PRKCQ: variants seen among roughly 807,000 people sequenced by gnomAD.
PRKCQ encodes protein kinase C theta, also known as protein kinase C theta type.
In PRKCQ, 41 loss-of-function variants were observed where a neutral mutation model predicts 91.2. The ratio of observed to expected loss-of-function variants is 0.45; its 90% CI spans 0.35 to 0.58. The LOEUF is 0.58. Among genes scored for constraint, PRKCQ ranks in the 20% least tolerant of loss-of-function variants. PRKCQ has a pLI of 0.00. For synonymous variants in PRKCQ, 307 were observed against 316.9 expected (o/e 0.97, Z 0.33); for missense variants, 673 against 896.5 (o/e 0.75, Z 3.18).
intron 8 of PRKCQ, among the ~76,000 whole-genome samples, chr10:6,486,686 C>T (rs769752710): frequency 6.6e-6 from 1 of 152,210 alleles, no homozygotes; most frequent in Non-Finnish European, 1.5e-5. Context: ...TCTTCCTGGG[C>T]GAAGCCAAGA....
chr10:6,504,834 T>C (rs1371668262), intron 4 of PRKCQ, among the ~76,000 whole-genome samples: 4 of 152,186 alleles, frequency 2.6e-5, no homozygotes, highest in African/African-American at 9.6e-5. Flanking sequence ...CACATAAAAA[T>C]TTAGAGATGG....
At chr10:6,558,838 G>A (rs755758460) in intron 1 of PRKCQ, among the ~76,000 whole-genome samples, 2 of 152,210 alleles carry the variant, frequency 1.3e-5, no homozygotes, top group African/African-American at 2.4e-5. Flanking sequence ...TATCCTTAGG[G>A]TGTAAGAGAA....
At position 6,515,096 on chromosome 10, in the gene PRKCQ, A is replaced by G; in HGVS notation, c.40T>C (p.Cys14Arg). The G allele has an allele frequency of 6.2e-7, 1 of 1,613,920 alleles. No homozygotes were observed. The highest frequency in any genetic ancestry group is 2.2e-5 in the East Asian group (1 of 44,876). Residue 14 changes from cysteine (C) to arginine (R), a missense_variant, in exon 2 of 18, where the codon TGC becomes CGC. Physicochemically the swap from Cys to Arg is radical, Grantham distance 180. Transcript: ENST00000263125. ...FLRIGLSNFD[C>R]GSCQSCQGEA... ...CCCTGACAAGACTGGCAGGACCCGC[A>G]GTCAAAGTTGGACAAGCCAATCCGA...
At position 6,528,357 on chromosome 10, in the gene PRKCQ, A is replaced by C. The variant is rs374650087; in HGVS notation, c.-9-13213T>G. 2.7e-4 allele frequency among the ~76,000 whole-genome samples: 41 copies of C among 152,184 alleles called. No individual in the cohort carries two copies. In the East Asian group the frequency reaches 5.8e-3, roughly 21 times the overall value. On this transcript the variant is annotated intron_variant, in intron 1 of 17. Transcript: ENST00000263125. The stretch of plus-strand genomic sequence containing the variant: ...TGTTGCAGGATCTGCTGATCTGCAG[A>C]ACCATTTCTGCACTATCCTTGGCCA...
intron 16 of PRKCQ, among the ~76,000 whole-genome samples, chr10:6,440,267 A>G (rs7099811): frequency 0.39 from 59,177 of 152,078 alleles, 12,125 homozygotes; most frequent in African/African-American, 0.5. Flanking sequence ...ACACTGCCCA[A>G]GACAATCTGC....
chr10:6,473,673 T>C (rs1254396150), intron 12 of PRKCQ, among the ~76,000 whole-genome samples: 2 of 152,200 alleles, frequency 1.3e-5, no homozygotes, highest in African/African-American at 2.4e-5. Flanking sequence ...TTGCTACAAT[T>C]GTGGTAATTT....
intron 1 of PRKCQ, among the ~76,000 whole-genome samples, chr10:6,577,861 G>A (rs901368067): frequency 1.3e-5 from 2 of 152,212 alleles, no homozygotes; most frequent in Non-Finnish European, 2.9e-5. Context: ...AAGGAGATTT[G>A]TCTGTGTAGG....
At position 6,428,231 on chromosome 10, in the gene PRKCQ, G is replaced by A. The variant is rs777361364; in HGVS notation, c.2097C>T (p.Pro699=). ...NMFRNFSFMN[P]GMERLIS is the part of the protein sequence containing the mutation. ...TTCAGGATATCAGCCGCTCCATCCC[G>A]GGGTTCATGAAGGAAAAGTTCCTGA... is the stretch of plus-strand genomic sequence containing the variant. Residue 699 remains proline (P), a synonymous_variant, in exon 18 of 18, where the codon CCC becomes CCT. Transcript: ENST00000263125. 4.8e-5 allele frequency: 77 copies of A among 1,613,966 alleles called. No individual in the cohort carries two copies. Among genetic ancestry groups the A allele is most frequent in the South Asian group, 7.7e-5 (7 of 91,072 alleles).
intron 1 of PRKCQ, among the ~76,000 whole-genome samples, chr10:6,558,679 A>G (rs946634726): frequency 6.6e-6 from 1 of 152,234 alleles, no homozygotes; most frequent in Non-Finnish European, 1.5e-5. Context: ...GAATATCGTC[A>G]TCTATTCTTG....
chr10:6,468,816 A>G (rs1482106089), intron 12 of PRKCQ, among the ~76,000 whole-genome samples: 1 of 152,248 alleles, frequency 6.6e-6, no homozygotes, highest in African/African-American at 2.4e-5. Flanking sequence ...CAAATGTTAC[A>G]ACAGCGAAGA....
intron 1 of PRKCQ, among the ~76,000 whole-genome samples, chr10:6,559,466 C>T (rs1238162650): frequency 6.6e-6 from 1 of 152,196 alleles, no homozygotes. Context: ...TCAAGAGATT[C>T]TCCTGCCTCA....
chr10:6,489,630 C>A (rs571274514), intron 8 of PRKCQ: 1 of 375,796 alleles, frequency 2.7e-6, no homozygotes, highest in Non-Finnish European at 5.4e-6. Context: ...GCGGGGTGAG[C>A]GGAGCAGGCG....
At chr10:6,481,379 CA>C (rs1035022581) in intron 11 of PRKCQ, among the ~76,000 whole-genome samples, 7 of 152,236 alleles carry the variant, frequency 4.6e-5, no homozygotes, top group African/African-American at 1.7e-4. Context: ...GCCAAAAAGA[CA>C]ATTTCCATCT....
At chr10:6,406,381 C>T in the PRKCQ span, among the ~76,000 whole-genome samples, 2 of 151,374 alleles carry the variant, frequency 1.3e-5, no homozygotes, top group African/African-American at 2.4e-5. Flanking sequence ...TTCTTTTGAG[C>T]TCTAACCTGT....
intron 1 of PRKCQ, among the ~76,000 whole-genome samples, chr10:6,522,892 A>C (rs1055974207): frequency 6.6e-6 from 1 of 152,188 alleles, no homozygotes; most frequent in Non-Finnish European, 1.5e-5. Context: ...ATTCAGAAAA[A>C]TTTTGGCAAA....
intron 3 of PRKCQ, among the ~76,000 whole-genome samples, chr10:6,508,804 C>G (rs1044569661): frequency 6.6e-6 from 1 of 152,074 alleles, no homozygotes; most frequent in Non-Finnish European, 1.5e-5. Flanking sequence ...CAATTAGCTA[C>G]TGGAAAAACA....
At chr10:6,413,001 G>A in the PRKCQ span, among the ~76,000 whole-genome samples, 3 of 152,184 alleles carry the variant, frequency 2.0e-5, no homozygotes, top group African/African-American at 7.2e-5. Context: ...TGCCCAGGCT[G>A]GAGTGCAGTG....
At chr10:6,415,049 G>A in the PRKCQ span, among the ~76,000 whole-genome samples, 194 of 151,982 alleles carry the variant, frequency 1.3e-3, 1 homozygote, top group African/African-American at 3.5e-3. Flanking sequence ...TGCAACCTCC[G>A]TCTCCTGGGT....
At chr10:6,439,003 ATGT>A (rs1833834560) in intron 16 of PRKCQ, among the ~76,000 whole-genome samples, 1 of 152,232 alleles carries the variant, frequency 6.6e-6, no homozygotes, top group Non-Finnish European at 1.5e-5. Flanking sequence ...TGTATTTAGC[ATGT>A]TGTATTGACA....
Sources: allele counts gnomAD v4.1 joint callset (sites outside exome capture counted in the v4.1 genomes callset), GRCh38; gene constraint gnomAD v4.1.1; transcripts MANE v1.5; gene names NCBI Gene and HGNC (gene_info 2026-07-23, HGNC 2026-07-21).